The following ATP2C1 variants were observed in gnomAD, a reference collection of about 807,000 sequenced individuals.
ATP2C1 encodes ATPase secretory pathway Ca2+ transporting 1.
Under a neutral mutation model 120.5 loss-of-function variants are expected in ATP2C1, and 31 were observed. The observed-to-expected ratio is 0.26, with a 90% CI of 0.19 to 0.35. The LOEUF is 0.35. Among genes scored for constraint, ATP2C1 ranks in the 10% least tolerant of loss-of-function variants. ATP2C1 has a pLI of 1.00. For synonymous variants in ATP2C1, 351 were observed against 358.7 expected, an observed-to-expected ratio of 0.98 and a Z score of 0.24; for missense variants, 731 against 1,107.5, an observed-to-expected ratio of 0.66 and a Z score of 4.83.
At chr3:130,998,215 G>T (rs2062722686) in intron 25 of ATP2C1, 79 bp from the exon 26 acceptor site, 3 of 967,304 alleles carry the variant, frequency 3.1e-6, no homozygotes, top group Non-Finnish European at 5.0e-6. Context: ...GAAAGAAAAT[G>T]TTTATATTTT....
chr3:130,935,716 A>G (rs997184659), intron 5 of ATP2C1, among the ~76,000 whole-genome samples: 2 of 152,248 alleles, frequency 1.3e-5, no homozygotes, highest in African/African-American at 4.8e-5. Context: ...AGCACAATTC[A>G]GAGTAATGGC....
Position 130,940,686 on chromosome 3 carries a change from C to T in ATP2C1, c.417C>T (p.Cys139=). ...EELSKLVPPE[C]HCVREGKLEH... The stretch of plus-strand genomic sequence containing the variant: ...TGAGTAAACTTGTGCCACCAGAATG[C>T]CATTGGTATGATCCTTTTTTTGGTA... Residue 139 remains cysteine (C), a synonymous_variant, in exon 7 of 28, where the codon TGC becomes TGT. Transcript: ENST00000510168. The T allele has an allele frequency of 6.2e-7, 1 of 1,610,586 alleles. No homozygotes were observed. Among genetic ancestry groups the T allele is most frequent in the African/African-American group, 1.3e-5 (1 of 74,892 alleles).
At chr3:130,997,092 T>TA (rs1240596773) in intron 24 of ATP2C1, among the ~76,000 whole-genome samples, 2 of 151,928 alleles carry the variant, frequency 1.3e-5, no homozygotes, top group Non-Finnish European at 2.9e-5. Flanking sequence ...AAGAAATGGG[T>TA]ATAATGGAGA....
intron 8 of ATP2C1, among the ~76,000 whole-genome samples, chr3:130,946,456 G>T (rs1329961617): frequency 3.9e-5 from 6 of 152,328 alleles, no homozygotes; most frequent in African/African-American, 1.2e-4. Flanking sequence ...AGCCAGCACA[G>T]ATATACTTTA....
chr3:130,885,287 A>G lies in ATP2C1; in HGVS notation c.108+34359A>G, dbSNP rs377320552. Among the ~76,000 whole-genome samples the G allele has an allele frequency of 1.1e-3, 164 of 152,180 alleles. 5 individuals carry two copies. The South Asian group carries it at 0.031, about 29-fold the overall frequency. On this transcript the variant is annotated intron_variant, in intron 1 of 26. Transcript: ENST00000504381. ...ATCACTGGGTCTTGTTTTTTAATCT[A>G]TTCAGCCACTCTGTGTCTTTTGGTT... is the stretch of plus-strand genomic sequence containing the variant.
At chr3:130,990,125 C>T (rs1205474337) in intron 20 of ATP2C1, among the ~76,000 whole-genome samples, 2 of 152,074 alleles carry the variant, frequency 1.3e-5, no homozygotes, top group Admixed American at 1.3e-4. Context: ...AACCAGGGAA[C>T]AGTCTTTATG....
intron 26 of ATP2C1, chr3:131,014,410 ATGT>A: frequency 1.9e-6 from 3 of 1,539,300 alleles, no homozygotes; most frequent in Admixed American, 2.2e-5. Flanking sequence ...AGAAAAAAGT[ATGT>A]TGTTAAAGAA....
At chr3:130,977,180 G>T (rs1560001578) in intron 18 of ATP2C1, among the ~76,000 whole-genome samples, 1 of 152,202 alleles carries the variant, frequency 6.6e-6, no homozygotes, top group Non-Finnish European at 1.5e-5. Flanking sequence ...GTCGGAAGGG[G>T]CAGTGGCAGC....
chr3:130,985,506 G>A (rs1256932818), intron 20 of ATP2C1, among the ~76,000 whole-genome samples: 4 of 151,784 alleles, frequency 2.6e-5, no homozygotes, highest in Admixed American at 2.6e-4. Context: ...GGTGGTGGGC[G>A]CCTGTAATCC....
chr3:130,930,360 C>T (rs771879958), intron 2 of ATP2C1, 56 bp from the exon 3 acceptor site: 213 of 1,085,732 alleles, frequency 2.0e-4, no homozygotes, highest in Non-Finnish European at 2.9e-4. Flanking sequence ...TTATTCTAGA[C>T]TGCATTACAC....
Position 130,934,651 on chromosome 3 carries a change from G to A in ATP2C1, c.264G>A (p.Leu88=). ...AAAATCCCCTTATTATGCTGCTTCTGGCTTCTGCAGTCATCAGTGTTTTAA... is the reference window on the plus strand; with the variant it reads ...AAAATCCCCTTATTATGCTGCTTCTAGCTTCTGCAGTCATCAGTGTTTTAA... The part of the protein sequence containing the change: ...QFKNPLIMLL[L]ASAVISVLMH... The change falls in exon 5 of 28, where the codon CTG becomes CTA. Residue 88 remains leucine, a synonymous_variant. Coordinates refer to ENST00000510168, the MANE Select transcript of ATP2C1 (RefSeq NM_001378687.1). The A allele has an allele frequency of 6.2e-7, 1 of 1,612,924 alleles. No homozygotes were observed. Among genetic ancestry groups the A allele is most frequent in the Non-Finnish European group, 8.5e-7 (1 of 1,179,406 alleles).
chr3:130,872,484 T>G (rs2068465402), intron 1 of ATP2C1, among the ~76,000 whole-genome samples: 1 of 152,142 alleles, frequency 6.6e-6, no homozygotes, highest in East Asian at 1.9e-4. Context: ...TGCCTATCTG[T>G]GATTATTATT....
intron 2 of ATP2C1, among the ~76,000 whole-genome samples, chr3:130,895,102 C>T (rs1263298915): frequency 6.6e-6 from 1 of 151,928 alleles, no homozygotes; most frequent in East Asian, 1.9e-4. Flanking sequence ...AGGAATTACT[C>T]GAGGGGAAGT....
chr3:130,865,891 GATC>G (rs1281445645), intron 1 of ATP2C1, among the ~76,000 whole-genome samples: 1 of 152,120 alleles, frequency 6.6e-6, no homozygotes, highest in Admixed American at 6.5e-5. Flanking sequence ...TCTAGATAAA[GATC>G]ATCTTTATGT....
rs1295803634 is a variant in ATP2C1, at chr3:131,002,607, C to T, written c.*1257C>T. The T allele has an allele frequency of 2.0e-6, 2 of 985,144 alleles. No homozygotes were observed. The highest frequency in any genetic ancestry group is 2.4e-6 in the Non-Finnish European group (2 of 829,892). 61.0% of individuals were successfully genotyped at this position (985,144 alleles called of 1,614,324 possible). On this transcript the variant is annotated 3_prime_UTR_variant, in exon 28 of 28. Coordinates refer to ENST00000510168, the MANE Select transcript of ATP2C1 (RefSeq NM_001378687.1). The stretch of plus-strand genomic sequence containing the variant: ...GGTCATTTGTTTTGAGTATGTGGGC[C>T]AGAAATTTAAAATTAGAAATTTGTT...
Position 130,947,303 on chromosome 3 carries a change from A to G in ATP2C1, c.531+5604A>G, listed in dbSNP as rs186154472. Among the ~76,000 whole-genome samples the G allele has an allele frequency of 3.9e-5, 6 of 152,322 alleles. 1 individual carries two copies. The East Asian group carries it at 9.6e-4, about 24-fold the overall frequency. On this transcript the variant is annotated intron_variant, in intron 8 of 27. Transcript: ENST00000510168. Reference sequence around the variant, plus strand: ...TTTTGAGATATAATGTGCATATCATACAGTTCACACATTTAAGGTGTATCG... The same window carrying G: ...TTTTGAGATATAATGTGCATATCATGCAGTTCACACATTTAAGGTGTATCG...
At chr3:130,978,144 C>G (rs1428174441) in intron 18 of ATP2C1, among the ~76,000 whole-genome samples, 5 of 152,148 alleles carry the variant, frequency 3.3e-5, no homozygotes, top group Non-Finnish European at 7.3e-5. Context: ...TACCATCAGC[C>G]TCTATCCTAA....
At chr3:130,974,638 G>T (rs2061466530) in intron 17 of ATP2C1, among the ~76,000 whole-genome samples, 1 of 151,806 alleles carries the variant, frequency 6.6e-6, no homozygotes, top group Admixed American at 6.6e-5. Flanking sequence ...TTTTGCTTTA[G>T]CTATATCATA....
In ATP2C1 at chr3:130,930,467, G is replaced by A. The variant is rs900899343; in HGVS notation, c.58G>A (p.Val20Ile). The A allele has an allele frequency of 6.2e-7, 1 of 1,613,546 alleles. No homozygotes were observed. The highest frequency in any genetic ancestry group is 1.1e-5 in the South Asian group (1 of 91,070). Residue 20 changes from valine (V) to isoleucine (I), a missense_variant, in exon 3 of 28, where the codon GTA (valine) becomes ATA (isoleucine). Val to Ile is a conservative substitution (Grantham distance 29). This residue lies in a region of ATP2C1 where 571 missense variants were observed against 845.9 expected (regional missense o/e 0.67). Coordinates refer to ENST00000510168, the MANE Select transcript of ATP2C1 (RefSeq NM_001378687.1). ...PNGENETMIP[V>I]LTSKKASELP... ...TGGTGAAAATGAGACAATGATTCCT[G>A]TATTGACATCAAAAAAAGCAAGTGA... is the stretch of plus-strand genomic sequence containing the variant.
Sources: gnomAD v4.1 joint callset for allele counts (sites outside exome capture counted in the v4.1 genomes callset) on GRCh38, gnomAD v4.1.1 for gene constraint, gnomAD v4.1.1 regional missense constraint, MANE v1.5 for transcripts, NCBI Gene and HGNC (gene_info 2026-07-23, HGNC 2026-07-21) for gene names.